PTGER3: variants seen among roughly 807,000 people sequenced by gnomAD.
The protein encoded by PTGER3 is prostaglandin E receptor 3.
Under a neutral mutation model 34.7 loss-of-function variants are expected in PTGER3, and 22 were observed. The ratio of observed to expected loss-of-function variants is 0.63; its 90% CI spans 0.45 to 0.91. The LOEUF (loss-of-function observed/expected upper bound fraction) is 0.91. Ranked by LOEUF, PTGER3 falls within the 40% of genes least tolerant of loss-of-function variation. The probability of loss-of-function intolerance (pLI) is 0.00; values close to 1 mark genes in which losing one functional copy is unlikely to be tolerated. For synonymous variants in PTGER3, 241 were observed against 230.1 expected, an observed-to-expected ratio of 1.05 and a Z score of -0.43; for missense variants, 468 against 519.4, an observed-to-expected ratio of 0.90 and a Z score of 0.96.
intron 2 of PTGER3, among the ~76,000 whole-genome samples, chr1:70,991,912 T>C (rs143237684): frequency 3.9e-5 from 6 of 152,304 alleles, no homozygotes; most frequent in Non-Finnish European, 7.4e-5. Flanking sequence ...ATAGGTCTTA[T>C]GGTGGATCCT....
intron 4 of PTGER3, among the ~76,000 whole-genome samples, chr1:70,943,773 C>T (rs377475577): frequency 1.3e-4 from 20 of 151,020 alleles, no homozygotes; most frequent in South Asian, 4.2e-4. Flanking sequence ...GGTAATCATG[C>T]GCATTGAGAT....
At chr1:70,910,079 C>G (rs1647030432) in intron 4 of PTGER3, among the ~76,000 whole-genome samples, 2 of 152,192 alleles carry the variant, frequency 1.3e-5, no homozygotes. Context: ...GTTACTATTG[C>G]TAATAAGTGC....
intron 4 of PTGER3, among the ~76,000 whole-genome samples, chr1:70,901,918 A>G (rs1177421968): frequency 6.6e-6 from 1 of 152,170 alleles, no homozygotes; most frequent in Admixed American, 6.5e-5. Flanking sequence ...ATCAGCCTAA[A>G]TCAAAGCTCA....
At chr1:70,914,182 C>T (rs1489978276) in intron 4 of PTGER3, among the ~76,000 whole-genome samples, 3 of 151,692 alleles carry the variant, frequency 2.0e-5, no homozygotes, top group Non-Finnish European at 4.4e-5. Context: ...TATAAGGAAA[C>T]AAGAACAGTA....
At chr1:70,903,579 C>T (rs17541500) in intron 4 of PTGER3, among the ~76,000 whole-genome samples, 45,093 of 151,946 alleles carry the variant, frequency 0.3, 6,953 homozygotes, top group South Asian at 0.45. Context: ...CTCTATCTCC[C>T]TGTTTTCACT....
At chr1:70,923,903 T>C (rs1647794543) in intron 4 of PTGER3, among the ~76,000 whole-genome samples, 1 of 152,186 alleles carries the variant, frequency 6.6e-6, no homozygotes, top group African/African-American at 2.4e-5. Context: ...TTGGAGAAAC[T>C]GGTTATTTTA....
intron 2 of PTGER3, among the ~76,000 whole-genome samples, chr1:70,993,368 C>T (rs36075725): frequency 0.23 from 35,613 of 151,974 alleles, 4,337 homozygotes; most frequent in Middle Eastern, 0.29. Flanking sequence ...TATGTCTGTG[C>T]GATAGAGCTT....
chr1:70,970,299 A>G (rs1652944431), downstream of PTGER3, among the ~76,000 whole-genome samples: 1 of 152,184 alleles, frequency 6.6e-6, no homozygotes, highest in African/African-American at 2.4e-5. Flanking sequence ...TAACAGAAGA[A>G]TGGACATTCT....
At chr1:70,929,059 C>T (rs755069494) in intron 4 of PTGER3, among the ~76,000 whole-genome samples, 1 of 152,112 alleles carries the variant, frequency 6.6e-6, no homozygotes, top group Non-Finnish European at 1.5e-5. Flanking sequence ...AGGACAGCTG[C>T]AAACTAGAGT....
At chr1:70,857,586 A>T (rs1645836046) in intron 4 of PTGER3, among the ~76,000 whole-genome samples, 1 of 151,922 alleles carries the variant, frequency 6.6e-6, no homozygotes, top group African/African-American at 2.4e-5. Flanking sequence ...CCCAGGCTGG[A>T]GTGCAGTGGC....
intron 2 of PTGER3, among the ~76,000 whole-genome samples, chr1:70,957,636 AGT>A: frequency 6.6e-6 from 1 of 152,190 alleles, no homozygotes; most frequent in Non-Finnish European, 1.5e-5. Context: ...ACATGTACAT[AGT>A]GTAATGATCA....
rs140859686 is a variant in PTGER3 at position 71,042,519 on chromosome 1, A to G, written c.897+4162T>C. On this transcript the variant is annotated intron_variant, in intron 1 of 3. Coordinates refer to ENST00000306666, the MANE Select transcript of PTGER3 (RefSeq NM_198719.2). Reference sequence around the variant, plus strand: ...TTTATAATCATAGAATATTTTGTTGACCTTCACACCTTTTTCAAAAGAGAA... The same window carrying G: ...TTTATAATCATAGAATATTTTGTTGGCCTTCACACCTTTTTCAAAAGAGAA... Among the ~76,000 whole-genome samples the G allele has an allele frequency of 3.7e-3, 557 of 152,128 alleles. 5 individuals are homozygous for G. Among genetic ancestry groups the G allele is most frequent in the African/African-American group, 0.013 (529 of 41,508 alleles).
At position 71,041,830 on chromosome 1, in the gene PTGER3, G is replaced by A. The variant is rs531864237; in HGVS notation, c.897+4851C>T. ...CAAAAATGTTACGCAGATGTACAGC[G>A]TTTTAGGGGGGACTTCCCTGCATTT... On this transcript the variant is annotated intron_variant, in intron 1 of 3. Transcript: ENST00000306666. Among the ~76,000 whole-genome samples the A allele has an allele frequency of 7.9e-5, 12 of 152,334 alleles. No homozygotes were observed. The South Asian group carries it at 1.4e-3, about 18-fold the overall frequency.
intron 4 of PTGER3, among the ~76,000 whole-genome samples, chr1:70,941,632 T>C (rs950219560): frequency 3.9e-5 from 6 of 152,278 alleles, no homozygotes; most frequent in African/African-American, 1.2e-4. Context: ...TACCAAAATC[T>C]CATCATTCAT....
intron 2 of PTGER3, among the ~76,000 whole-genome samples, chr1:70,995,404 T>C (rs1233643210): frequency 2.0e-5 from 3 of 152,254 alleles, no homozygotes; most frequent in East Asian, 3.9e-4. Context: ...ACTCTAAGTC[T>C]CTGCTCTTGA....
intron 4 of PTGER3, among the ~76,000 whole-genome samples, chr1:70,918,175 C>T (rs548151246): frequency 5.7e-4 from 87 of 151,956 alleles, no homozygotes; most frequent in Non-Finnish European, 9.3e-4. Flanking sequence ...TAAATTGTTC[C>T]GGAAAAACTG....
At position 70,853,909 on chromosome 1, in the gene PTGER3, CTG is replaced by C. The variant is rs533081473; in HGVS notation, c.*24-1052_*24-1051del. Among the ~76,000 whole-genome samples, 20 of 152,238 alleles carry C rather than the reference CTG, an allele frequency of 1.3e-4. No homozygotes were observed. In the East Asian group the frequency reaches 3.3e-3, roughly 25 times the overall value. ...CTGTCAATAAATGGTGTTGAGAAAA[CTG>C]GATATCCACATGCAAAAGAATGAAG... is the stretch of plus-strand genomic sequence containing the variant. On this transcript the variant is annotated intron_variant, in intron 4 of 4. Coordinates refer to the PTGER3 transcript ENST00000370931.
At chr1:70,897,619 A>G (rs1032458639) in intron 4 of PTGER3, among the ~76,000 whole-genome samples, 1 of 152,062 alleles carries the variant, frequency 6.6e-6, no homozygotes, top group Non-Finnish European at 1.5e-5. Flanking sequence ...ATCATAAGAC[A>G]TGTCTCCCCT....
chr1:71,026,647 ATAT>A (rs1386372503), intron 1 of PTGER3, among the ~76,000 whole-genome samples: 1 of 150,860 alleles, frequency 6.6e-6, no homozygotes, highest in African/African-American at 2.4e-5. Flanking sequence ...ATTATTACTA[ATAT>A]TATATTATTT....
Sources: allele counts gnomAD v4.1 joint callset (sites outside exome capture counted in the v4.1 genomes callset), GRCh38; gene constraint gnomAD v4.1.1; transcripts MANE v1.5; gene names NCBI Gene and HGNC (gene_info 2026-07-23, HGNC 2026-07-21).